Variants in ARNT2 observed in about 807,000 individuals in gnomAD.
The protein encoded by ARNT2 is aryl hydrocarbon receptor nuclear translocator 2, also known as ARNT protein 2.
Under a neutral mutation model 91.7 loss-of-function variants are expected in ARNT2, and 36 were observed. The observed-to-expected ratio is 0.39, with a 90% CI of 0.30 to 0.52. The LOEUF is 0.52. Ranked by LOEUF, ARNT2 falls within the 20% of genes least tolerant of loss-of-function variation. ARNT2 has a pLI of 0.72. For synonymous variants in ARNT2, 365 were observed against 347.1 expected, an observed-to-expected ratio of 1.05 and a Z score of -0.57; for missense variants, 775 against 939.3, an observed-to-expected ratio of 0.83 and a Z score of 2.29.
intron 8 of ARNT2, among the ~76,000 whole-genome samples, chr15:80,531,987 C>T (rs980575002): frequency 1.3e-5 from 2 of 152,146 alleles, no homozygotes; most frequent in South Asian, 2.1e-4. Context: ...CGGCAGTGGG[C>T]GGCTCCACCT....
chr15:80,459,552 C>G (rs56187871), intron 3 of ARNT2, among the ~76,000 whole-genome samples: 34,734 of 151,942 alleles, frequency 0.23, 4,203 homozygotes, highest in Non-Finnish European at 0.28. Context: ...CCTGGGGCCT[C>G]AAAACATAAA....
intron 5 of ARNT2, among the ~76,000 whole-genome samples, chr15:80,478,645 C>G (rs948735336): frequency 7.2e-5 from 11 of 152,130 alleles, no homozygotes; most frequent in Non-Finnish European, 1.2e-4. Flanking sequence ...GTCTCTTTTG[C>G]AGTCATAGGG....
intron 1 of ARNT2, among the ~76,000 whole-genome samples, chr15:80,406,873 GATGTGTTATTATTGCCCC>G (rs1895608621): frequency 1.3e-5 from 2 of 152,300 alleles, no homozygotes; most frequent in East Asian, 3.9e-4. Flanking sequence ...GATCCGTGGG[GATGTGTTATTATTGCCCC>G]ATGTGAATCT....
At chr15:80,568,640 G>A (rs1054102196) in intron 12 of ARNT2, among the ~76,000 whole-genome samples, 1 of 152,216 alleles carries the variant, frequency 6.6e-6, no homozygotes, top group Non-Finnish European at 1.5e-5. Flanking sequence ...GCAGAGCGTA[G>A]AGGCAGTAAG....
intron 12 of ARNT2, among the ~76,000 whole-genome samples, chr15:80,568,093 A>G (rs1176598684): frequency 6.6e-6 from 1 of 152,236 alleles, no homozygotes. Flanking sequence ...TAAAGCCACT[A>G]CAAAGAAGAC....
chr15:80,441,783 T>C (rs1300136285), intron 1 of ARNT2, among the ~76,000 whole-genome samples: 1 of 152,248 alleles, frequency 6.6e-6, no homozygotes, highest in Admixed American at 6.5e-5. Flanking sequence ...AAATGTGAAA[T>C]AGTCTGTAGC....
intron 1 of ARNT2, among the ~76,000 whole-genome samples, chr15:80,418,645 TC>T (rs1895819552): frequency 6.6e-6 from 1 of 152,172 alleles, no homozygotes; most frequent in African/African-American, 2.4e-5. Flanking sequence ...TCTCTATGGA[TC>T]CTCTGTTGGG....
intron 5 of ARNT2, among the ~76,000 whole-genome samples, chr15:80,495,605 A>G (rs1474606207): frequency 6.6e-6 from 1 of 152,226 alleles, no homozygotes; most frequent in South Asian, 2.1e-4. Flanking sequence ...TGTCAGAAGC[A>G]TGTTTCTCAA....
intron 1 of ARNT2, among the ~76,000 whole-genome samples, chr15:80,427,205 A>G (rs940512952): frequency 1.3e-5 from 2 of 152,130 alleles, no homozygotes; most frequent in African/African-American, 4.8e-5. Flanking sequence ...AGACATCAAG[A>G]AGGGCATCAG....
At chr15:80,575,639 G>C (rs923001843) in intron 14 of ARNT2, among the ~76,000 whole-genome samples, 1 of 152,208 alleles carries the variant, frequency 6.6e-6, no homozygotes, top group South Asian at 2.1e-4. Context: ...TGGGTGAGAC[G>C]ACTCTGCTCA....
In ARNT2 at chr15:80,504,010, C is replaced by T. The variant is rs76322015; in HGVS notation, c.623-4146C>T. 7.6e-4 allele frequency among the ~76,000 whole-genome samples: 115 copies of T among 152,296 alleles called. 1 individual carries two copies. In the East Asian group the frequency reaches 0.017, roughly 22 times the overall value. On this transcript the variant is annotated intron_variant, in intron 5 of 18. Transcript: ENST00000303329. The stretch of plus-strand genomic sequence containing the variant: ...TAGTTCTAGCACAGCGTGACAGAGC[C>T]GGCCCAAGGAGAGCACAATATGCTG...
chr15:80,597,013 A>G lies in ARNT2; in HGVS notation c.*3315A>G, dbSNP rs774393806. ...TACTCTCCAACATACCAGATTCTACACTGTTGTTATTTCATGAGACGTGAA... is the reference window on the plus strand; with the variant it reads ...TACTCTCCAACATACCAGATTCTACGCTGTTGTTATTTCATGAGACGTGAA... On this transcript the variant is annotated 3_prime_UTR_variant, in exon 19 of 19. Coordinates refer to ENST00000303329, the MANE Select transcript of ARNT2 (RefSeq NM_014862.4). 2.5e-6 allele frequency: 1 copy of G among 396,328 alleles called. No homozygotes were observed. The highest frequency in any genetic ancestry group is 5.0e-6 in the Non-Finnish European group (1 of 199,316). 24.6% of individuals were successfully genotyped at this position (396,328 alleles called of 1,614,324 possible).
At chr15:80,428,852 C>T (rs968434155) in intron 1 of ARNT2, among the ~76,000 whole-genome samples, 7 of 152,188 alleles carry the variant, frequency 4.6e-5, no homozygotes, top group South Asian at 2.1e-4. Context: ...TATAATTTTG[C>T]GATGTGTAAT....
Position 80,580,241 on chromosome 15 carries a change from C to T in ARNT2, c.1614-170C>T, listed in dbSNP as rs746496839. 1.8e-4 allele frequency: 143 copies of T among 816,112 alleles called. 1 individual carries two copies. Among genetic ancestry groups the T allele is most frequent in the African/African-American group, 2.5e-4 (15 of 58,998 alleles). 50.6% of individuals were successfully genotyped at this position (816,112 alleles called of 1,614,324 possible). On this transcript the variant is annotated intron_variant, in intron 15 of 18. Transcript: ENST00000303329. ...AGGAAGCCCTGAAGGGAGAGGAGGA[C>T]GGCCAAGGGGCTTTGAGGCTCACGA...
chr15:80,431,941 T>C lies in ARNT2; in HGVS notation c.32-18939T>C, dbSNP rs556675932. Reference sequence around the variant, plus strand: ...AGCTCTCTGAAGCAACCGGCCATTCTGGGGTCGCTGCCCAGGGCCGCTCCT... The same window carrying C: ...AGCTCTCTGAAGCAACCGGCCATTCCGGGGTCGCTGCCCAGGGCCGCTCCT... On this transcript the variant is annotated intron_variant, in intron 1 of 18. Coordinates refer to ENST00000303329, the MANE Select transcript of ARNT2 (RefSeq NM_014862.4). Among the ~76,000 whole-genome samples the C allele has an allele frequency of 4.7e-4, 71 of 152,310 alleles. No individual in the cohort carries two copies. The Middle Eastern group carries it at 0.024, about 51-fold the overall frequency.
At chr15:80,475,277 G>C in intron 5 of ARNT2, 54 bp downstream of exon 5, 1 of 1,584,724 alleles carries the variant, frequency 6.3e-7, no homozygotes, top group Non-Finnish European at 8.6e-7. Context: ...ATTCTTGGCT[G>C]GGCATGGTGG....
At chr15:80,590,974 G>A (rs1267497736) in intron 17 of ARNT2, among the ~76,000 whole-genome samples, 2 of 152,228 alleles carry the variant, frequency 1.3e-5, no homozygotes, top group Non-Finnish European at 2.9e-5. Context: ...AGACTGTGGT[G>A]CTTGGCCCTG....
chr15:80,514,282 CAT>C, intron 7 of ARNT2, 36 bp from the exon 8 acceptor site: 2 of 1,603,086 alleles, frequency 1.2e-6, no homozygotes, highest in Non-Finnish European at 1.7e-6. Context: ...GCCTCACCCT[CAT>C]GTGATGAAAA....
intron 1 of ARNT2, among the ~76,000 whole-genome samples, chr15:80,450,046 G>A (rs1896363316): frequency 6.6e-6 from 1 of 152,164 alleles, no homozygotes; most frequent in African/African-American, 2.4e-5. Context: ...GGGTGCCTGA[G>A]CTTAGGAGCT....
Sources: allele counts gnomAD v4.1 joint callset (sites outside exome capture counted in the v4.1 genomes callset), GRCh38; gene constraint gnomAD v4.1.1; transcripts MANE v1.5; gene names NCBI Gene and HGNC (gene_info 2026-07-23, HGNC 2026-07-21).